Variants in DYM observed in about 807,000 individuals in gnomAD.
DYM encodes the protein dymeclin.
Under a neutral mutation model 93.1 loss-of-function variants are expected in DYM, and 78 were observed. The ratio of observed to expected loss-of-function variants is 0.84; its 90% confidence interval spans 0.70 to 1.01. The LOEUF (loss-of-function observed/expected upper bound fraction) is 1.01, where lower values mean the gene tolerates loss of function less well. Among genes scored for constraint, DYM ranks in the 50% least tolerant of loss-of-function variants. The pLI is 0.00. For missense variants in DYM, 789 were observed against 845.0 expected (o/e 0.93, Z 0.82); for synonymous variants, 321 against 319.7 (o/e 1.00, Z -0.04).
chr18:49,393,091 GGGAAGGAAGGAAGGAAGGAA>G (rs748930950), intron 2 of DYM, among the ~76,000 whole-genome samples: 6,685 of 36,894 alleles, frequency 0.18, 1,057 homozygotes, highest in South Asian at 0.22. Flanking sequence ...AAGGGAGGGA[GGGAAGGAAGGAAGGAAGGAA>G]GGAAGGAAGG....
intron 1 of DYM, among the ~76,000 whole-genome samples, chr18:49,432,562 T>C (rs955260047): frequency 1.3e-5 from 2 of 149,796 alleles, no homozygotes; most frequent in African/African-American, 4.9e-5. Flanking sequence ...TGGCAAAAAA[T>C]ATTATGGATT....
At chr18:49,222,910 A>C (rs2093415551) in intron 13 of DYM, among the ~76,000 whole-genome samples, 1 of 152,184 alleles carries the variant, frequency 6.6e-6, no homozygotes, top group African/African-American at 2.4e-5. Flanking sequence ...ACATGAAAGA[A>C]TGATGGTGAC....
intron 14 of DYM, among the ~76,000 whole-genome samples, chr18:49,204,487 A>T (rs1400404153): frequency 6.6e-6 from 1 of 152,232 alleles, no homozygotes; most frequent in East Asian, 1.9e-4. Context: ...TGAAGTAAAA[A>T]TAAAGACAAA....
At chr18:49,092,507 G>A (rs2079136016) in intron 17 of DYM, among the ~76,000 whole-genome samples, 1 of 152,172 alleles carries the variant, frequency 6.6e-6, no homozygotes, top group Non-Finnish European at 1.5e-5. Flanking sequence ...AACGCAAGGG[G>A]GTGCCTTTCT....
chr18:49,285,356 A>C (rs1359984987), intron 9 of DYM, among the ~76,000 whole-genome samples: 1 of 152,168 alleles, frequency 6.6e-6, no homozygotes, highest in African/African-American at 2.4e-5. Context: ...CTCCCATCCA[A>C]TCACTGTACT....
In DYM at chr18:49,282,132, G is replaced by C; in HGVS notation, c.990C>G (p.Ile330Met). 6.2e-7 allele frequency: 1 copy of C among 1,613,924 alleles called. No individual in the cohort carries two copies. The part of the protein sequence containing the change: ...FPSSIPHAFQ[I>M]NFNSLYTALC... ...GAGCTGTGTACAAACTATTAAAGTT[G>C]ATCTGGAAGGCATGTGGAATTGATG... The change falls in exon 10 of 18, where the codon ATC (isoleucine) becomes ATG (methionine). Residue 330 changes from isoleucine to methionine, a missense_variant. By Grantham distance (10) the Ile-to-Met change is conservative. Coordinates refer to ENST00000675505, the MANE Select transcript of DYM (RefSeq NM_001353214.3).
chr18:49,369,999 G>A (rs1331928334), intron 5 of DYM, among the ~76,000 whole-genome samples: 2 of 152,176 alleles, frequency 1.3e-5, no homozygotes, highest in African/African-American at 4.8e-5. Context: ...GAATAACGCT[G>A]GGCGCAGTGG....
chr18:49,043,591 C>T lies in DYM; in HGVS notation c.*464G>A, dbSNP rs115221414. Reference sequence around the variant, plus strand: ...TCATCATCTTTTCTCATTGATGCTCCTTAATGTCAAAGGAATCTCTCTCTC... The same window carrying T: ...TCATCATCTTTTCTCATTGATGCTCTTTAATGTCAAAGGAATCTCTCTCTC... On this transcript the variant is annotated 3_prime_UTR_variant, in exon 18 of 18. Coordinates refer to ENST00000675505, the MANE Select transcript of DYM (RefSeq NM_001353214.3). 932 of 158,308 alleles carry T rather than the reference C, an allele frequency of 5.9e-3. 8 individuals are homozygous for T. The highest frequency in any genetic ancestry group is 0.022 in the African/African-American group (896 of 41,600). 9.8% of individuals were successfully genotyped at this position (158,308 alleles called of 1,614,324 possible).
intron 17 of DYM, among the ~76,000 whole-genome samples, chr18:49,090,275 G>A (rs781352334): frequency 1.3e-5 from 2 of 152,118 alleles, no homozygotes; most frequent in African/African-American, 4.8e-5. Context: ...TTTTGGGCCC[G>A]GTGAAATGGC....
intron 16 of DYM, among the ~76,000 whole-genome samples, chr18:49,117,669 G>C (rs1219008059): frequency 1.3e-5 from 2 of 152,134 alleles, no homozygotes; most frequent in African/African-American, 2.4e-5. Context: ...TCTCTAAATA[G>C]TCAAACAGAT....
intron 9 of DYM, among the ~76,000 whole-genome samples, chr18:49,282,446 CT>C (rs973768664): frequency 1.3e-5 from 2 of 152,076 alleles, no homozygotes; most frequent in Non-Finnish European, 2.9e-5. Flanking sequence ...AACCCCATCT[CT>C]ACTAAAAATA....
rs540992108 is a variant in DYM at position 49,255,325 on chromosome 18, C to A, written c.1460+1685G>T. Among the ~76,000 whole-genome samples, 6 of 152,256 alleles carry A rather than the reference C, an allele frequency of 3.9e-5. No homozygotes were observed. In the South Asian group the frequency reaches 1.2e-3, roughly 32 times the overall value. On this transcript the variant is annotated intron_variant, in intron 13 of 17. Transcript: ENST00000675505. ...CCCAGGAGTTTGAGCTTTCAGTGAG[C>A]TGTGGTTGCTCCACTGCACTCCAGC...
intron 8 of DYM, among the ~76,000 whole-genome samples, chr18:49,304,636 T>C (rs1568211911): frequency 6.6e-6 from 1 of 152,174 alleles, no homozygotes; most frequent in Non-Finnish European, 1.5e-5. Flanking sequence ...GACTCTTCAT[T>C]ACTGCTTCCA....
intron 8 of DYM, among the ~76,000 whole-genome samples, chr18:49,291,578 G>A (rs1019993940): frequency 1.3e-5 from 2 of 152,156 alleles, no homozygotes; most frequent in Non-Finnish European, 2.9e-5. Flanking sequence ...TAAATTTTCA[G>A]TATAGGTATA....
chr18:49,042,586 A>G lies in DYM; in HGVS notation c.*1469T>C, dbSNP rs908650104. The G allele has an allele frequency of 6.6e-6, 1 of 152,320 alleles. No individual in the cohort carries two copies. Among genetic ancestry groups the G allele is most frequent in the Non-Finnish European group, 1.5e-5 (1 of 68,086 alleles). The allele number at this position is 152,320 out of a possible 1,614,324, so 9.4% of individuals were successfully genotyped here. A position where few individuals can be genotyped will look rare whatever the true frequency, so the allele number is the denominator to read the frequency against. ...AATAACACGGGCCTGCAGCCCTGGG[A>G]CACAGGACAGGAGAAGCCAGCCCTG... On this transcript the variant is annotated 3_prime_UTR_variant, in exon 18 of 18. Coordinates refer to ENST00000675505, the MANE Select transcript of DYM (RefSeq NM_001353214.3).
chr18:49,176,572 G>C (rs1041038478), intron 14 of DYM, among the ~76,000 whole-genome samples: 3 of 144,640 alleles, frequency 2.1e-5, no homozygotes, highest in Admixed American at 1.4e-4. Context: ...CACCAAGCCT[G>C]GCTTTTTTTT....
At chr18:49,359,326 T>C (rs1377462467) in intron 6 of DYM, among the ~76,000 whole-genome samples, 2 of 152,174 alleles carry the variant, frequency 1.3e-5, no homozygotes, top group African/African-American at 4.8e-5. Flanking sequence ...ATTTTAAATA[T>C]ATAAATGCTG....
At chr18:49,068,570 C>T (rs748483497) in intron 17 of DYM, among the ~76,000 whole-genome samples, 3 of 152,198 alleles carry the variant, frequency 2.0e-5, no homozygotes, top group Non-Finnish European at 2.9e-5. Flanking sequence ...TTAGGCTGGA[C>T]TGCTGGAGGT....
At chr18:49,255,224 T>C (rs1374030233) in intron 13 of DYM, among the ~76,000 whole-genome samples, 1 of 152,212 alleles carries the variant, frequency 6.6e-6, no homozygotes, top group Non-Finnish European at 1.5e-5. Flanking sequence ...GGAGTTGTTA[T>C]CACCACCAAT....
Sources: gnomAD v4.1 joint callset for allele counts (sites outside exome capture counted in the v4.1 genomes callset) on GRCh38, gnomAD v4.1.1 for gene constraint, MANE v1.5 for transcripts, NCBI Gene and HGNC (gene_info 2026-07-23, HGNC 2026-07-21) for gene names.